CDK5RAP2: variants seen among roughly 807,000 people sequenced by gnomAD.
CDK5RAP2 encodes CDK5 regulatory subunit-associated protein 2.
In CDK5RAP2, 147 loss-of-function variants were observed where a neutral mutation model predicts 232.9. The observed-to-expected ratio is 0.63, with a 90% CI of 0.55 to 0.72. The LOEUF (loss-of-function observed/expected upper bound fraction) is 0.72. Among genes scored for constraint, CDK5RAP2 ranks in the 30% least tolerant of loss-of-function variants. CDK5RAP2 has a pLI of 0.00. For missense variants in CDK5RAP2, 2,195 were observed against 2,231.5 expected (o/e 0.98, Z 0.33); for synonymous variants, 833 against 833.7 (o/e 1.00, Z 0.01).
intron 25 of CDK5RAP2, among the ~76,000 whole-genome samples, chr9:120,429,925 G>T (rs143710116): frequency 0.011 from 1,613 of 152,144 alleles, 20 homozygotes; most frequent in Middle Eastern, 0.02. Flanking sequence ...CAGATCAATG[G>T]GAACAGAACA....
intron 1 of CDK5RAP2, among the ~76,000 whole-genome samples, chr9:120,573,751 G>A (rs1427559909): frequency 6.6e-6 from 1 of 152,180 alleles, no homozygotes; most frequent in Non-Finnish European, 1.5e-5. Flanking sequence ...ATCATCATTA[G>A]TAGGGAAATG....
intron 25 of CDK5RAP2, among the ~76,000 whole-genome samples, chr9:120,429,305 G>C (rs2035127980): frequency 6.6e-6 from 1 of 151,688 alleles, no homozygotes; most frequent in African/African-American, 2.4e-5. Context: ...ATTAGGAAAA[G>C]AGGAAGTCAA....
Position 120,481,573 on chromosome 9 carries a change from C to T in CDK5RAP2, c.1627-4123G>A, listed in dbSNP as rs534454877. ...TGTCTCCCAGGCTAGAGTGCAGTGA[C>T]GCACTCTCTGCTCAATGCAACCTCC... is the stretch of plus-strand genomic sequence containing the variant. On this transcript the variant is annotated intron_variant, in intron 14 of 37. Coordinates refer to ENST00000349780, the MANE Select transcript of CDK5RAP2 (RefSeq NM_018249.6). Among the ~76,000 whole-genome samples, 205 of 145,870 alleles carry T rather than the reference C, an allele frequency of 1.4e-3. 3 individuals carry two copies. Among genetic ancestry groups the T allele is most frequent in the African/African-American group, 4.3e-3 (171 of 39,328 alleles).
chr9:120,421,853 T>C (rs1588290541), intron 26 of CDK5RAP2, among the ~76,000 whole-genome samples: 1 of 152,134 alleles, frequency 6.6e-6, no homozygotes, highest in Admixed American at 6.5e-5. Flanking sequence ...TTGGATGGAG[T>C]GTGACAGATT....
Position 120,447,887 on chromosome 9 carries a change from G to A in CDK5RAP2, c.3025+8C>T, listed in dbSNP as rs1050849102. On this transcript the variant is annotated splice_region_variant and intron_variant, in intron 22 of 37. Coordinates refer to ENST00000349780, the MANE Select transcript of CDK5RAP2 (RefSeq NM_018249.6). ...GCTCACAGGGAATACATTTTTCTTGGTGCTTACCATTCAGCAACGTTTTGT... is the reference window on the plus strand; with the variant it reads ...GCTCACAGGGAATACATTTTTCTTGATGCTTACCATTCAGCAACGTTTTGT... 11 of 1,602,548 alleles carry A rather than the reference G, an allele frequency of 6.9e-6. No homozygotes were observed. In the Admixed American group the frequency reaches 1.0e-4, roughly 15 times the overall value.
At chr9:120,566,926 T>G (rs909616258) in intron 3 of CDK5RAP2, among the ~76,000 whole-genome samples, 1 of 152,246 alleles carries the variant, frequency 6.6e-6, no homozygotes, top group African/African-American at 2.4e-5. Context: ...ATTCTAATAT[T>G]CTGTGAAATT....
intron 5 of CDK5RAP2, among the ~76,000 whole-genome samples, chr9:120,542,826 C>G (rs962078748): frequency 2.0e-5 from 3 of 152,104 alleles, no homozygotes; most frequent in Non-Finnish European, 4.4e-5. Context: ...AAGTGTTAAA[C>G]ATAGAGTATT....
intron 25 of CDK5RAP2, among the ~76,000 whole-genome samples, chr9:120,431,469 T>C (rs1443816842): frequency 6.6e-6 from 1 of 152,178 alleles, no homozygotes; most frequent in Non-Finnish European, 1.5e-5. Flanking sequence ...TAAATAATAC[T>C]TCCTCTTAGG....
intron 4 of CDK5RAP2, 51 bp from the exon 5 acceptor site, chr9:120,545,841 A>G (rs2041819937): frequency 7.1e-7 from 1 of 1,417,730 alleles, no homozygotes; most frequent in Non-Finnish European, 1.0e-6. Context: ...TAGAGGACCT[A>G]TGAATGTCAA....
At chr9:120,489,481 G>A (rs1305920557) in intron 13 of CDK5RAP2, among the ~76,000 whole-genome samples, 1 of 151,896 alleles carries the variant, frequency 6.6e-6, no homozygotes, top group Non-Finnish European at 1.5e-5. Context: ...GTCATATTTT[G>A]GACCTCTTGT....
At chr9:120,575,387 G>C (rs1420806531) in intron 1 of CDK5RAP2, among the ~76,000 whole-genome samples, 1 of 152,052 alleles carries the variant, frequency 6.6e-6, no homozygotes, top group Non-Finnish European at 1.5e-5. Flanking sequence ...TTGAGTGACT[G>C]AATGGACCTT....
At chr9:120,531,522 G>T (rs1439449703) in intron 7 of CDK5RAP2, among the ~76,000 whole-genome samples, 1 of 152,156 alleles carries the variant, frequency 6.6e-6, no homozygotes, top group African/African-American at 2.4e-5. Context: ...GGGGTGACTT[G>T]TGATTGTGGA....
At chr9:120,494,165 C>T (rs1344307731) in intron 12 of CDK5RAP2, among the ~76,000 whole-genome samples, 2 of 149,964 alleles carry the variant, frequency 1.3e-5, no homozygotes, top group East Asian at 3.9e-4. Flanking sequence ...ATCACACACA[C>T]ACACAGAGAA....
At chr9:120,427,053 A>C (rs2034952438) in intron 25 of CDK5RAP2, among the ~76,000 whole-genome samples, 1 of 152,176 alleles carries the variant, frequency 6.6e-6, no homozygotes, top group Non-Finnish European at 1.5e-5. Context: ...TGTAGGATTT[A>C]CAATTTTAAT....
rs768629906 is a variant in CDK5RAP2, at chr9:120,409,152, G to A, written c.4579C>T (p.Arg1527Cys). The change falls in exon 30 of 38, where the codon CGC (arginine) becomes TGC (cysteine). Residue 1527 changes from arginine to cysteine, a missense_variant. Transcript: ENST00000349780. ...CTGCTCAGCTCCTGGCCGCTGCAGCGGACCTCCTGGATCAGCTGCTGGTTG... is the reference window on the plus strand; with the variant it reads ...CTGCTCAGCTCCTGGCCGCTGCAGCAGACCTCCTGGATCAGCTGCTGGTTG... ...RHNQQLIQEV[R>C]CSGQELSRVQ... 16 of 1,612,394 alleles carry A rather than the reference G, an allele frequency of 9.9e-6. No homozygotes were observed. The Middle Eastern group carries it at 6.0e-4, about 60-fold the overall frequency.
chr9:120,439,692 T>C lies in CDK5RAP2; in HGVS notation c.3429A>G (p.Ile1143Met). ...LQKHSQCSEA[I>M]ITVLCGTEGA... is the part of the protein sequence containing the mutation. ...CTTCTGTCCCACACAAAACTGTAAT[T>C]ATGGCCTCACTGCACTGGGAGTGCT... The change falls in exon 24 of 38, where the codon ATA (isoleucine) becomes ATG (methionine). Residue 1143 changes from isoleucine to methionine, a missense_variant. Transcript: ENST00000349780. The C allele has an allele frequency of 6.2e-7, 1 of 1,614,222 alleles. No individual in the cohort carries two copies. Among genetic ancestry groups the C allele is most frequent in the Non-Finnish European group, 8.5e-7 (1 of 1,180,036 alleles).
intron 34 of CDK5RAP2, chr9:120,401,145 A>G (rs2032973083): frequency 2.1e-6 from 1 of 475,510 alleles, no homozygotes; most frequent in Admixed American, 3.5e-5. Context: ...AGCATTAACT[A>G]CAGTTACTAC....
At chr9:120,431,519 G>A (rs1488972492) in intron 25 of CDK5RAP2, among the ~76,000 whole-genome samples, 1 of 152,184 alleles carries the variant, frequency 6.6e-6, no homozygotes, top group African/African-American at 2.4e-5. Flanking sequence ...ACCCAATAAA[G>A]ATCAGTCTTT....
intron 10 of CDK5RAP2, among the ~76,000 whole-genome samples, chr9:120,525,561 C>A (rs1310307317): frequency 6.6e-6 from 1 of 152,070 alleles, no homozygotes; most frequent in Non-Finnish European, 1.5e-5. Flanking sequence ...TCCTGACACA[C>A]TGAAGGGCTC....
Sources: gnomAD v4.1 joint callset for allele counts (sites outside exome capture counted in the v4.1 genomes callset) on GRCh38, gnomAD v4.1.1 for gene constraint, MANE v1.5 for transcripts, NCBI Gene and HGNC (gene_info 2026-07-23, HGNC 2026-07-21) for gene names.